ABCA7: variants seen among roughly 807,000 people sequenced by gnomAD.
ABCA7 encodes phospholipid-transporting ATPase ABCA7.
Under a neutral mutation model 227.6 loss-of-function variants are expected in ABCA7, and 261 were observed. The ratio of observed to expected loss-of-function variants is 1.15; its 90% CI spans 1.04 to 1.27. ABCA7 has a LOEUF of 1.27. Ranked by LOEUF, ABCA7 falls within the 50% of genes most tolerant of loss-of-function variation. The probability of loss-of-function intolerance (pLI) is 0.00; values close to 1 mark genes in which losing one functional copy is unlikely to be tolerated. For missense variants in ABCA7, 3,331 were observed against 2,924.5 expected, an observed-to-expected ratio of 1.14 and a Z score of -3.21; for synonymous variants, 1,488 against 1,279.7, an observed-to-expected ratio of 1.16 and a Z score of -3.47.
In ABCA7 at chr19:1,061,875, C is replaced by T. The variant is rs1461956027; in HGVS notation, c.5557C>T (p.Leu1853=). ...DTLASRGEAV[L]AGHSVAREPS... is the part of the protein sequence containing the mutation. ...ATTGGCCAGCAGGGGCGAGGCTGTG[C>T]TGGCAGGCCACAGGTGAGGGGTGCC... The change falls in exon 41 of 47, where the codon CTG becomes TTG. Residue 1853 remains leucine, a synonymous_variant. Coordinates refer to ENST00000263094, the MANE Select transcript of ABCA7 (RefSeq NM_019112.4). 1 of 1,592,766 alleles carries T rather than the reference C, an allele frequency of 6.3e-7. No homozygotes were observed. The highest frequency in any genetic ancestry group is 1.8e-5 in the Admixed American group (1 of 55,986).
chr19:1,044,591 G>A lies in ABCA7; in HGVS notation c.1062G>A (p.Met354Ile). The part of the protein sequence containing the change: ...NVAMLQRLLQ[M>I]QDEGRRQPRP... ...GCGCCCCCCAGCGGCTCCTGCAGAT[G>A]CAGGATGAAGGAAGAAGGCAGCCCA... is the stretch of plus-strand genomic sequence containing the variant. The change falls in exon 11 of 47, where the codon ATG becomes ATA. Residue 354 changes from methionine (M) to isoleucine (I), a missense_variant. Physicochemically the swap from Met to Ile is conservative, Grantham distance 10 (BLOSUM62 1). Transcript: ENST00000263094. The A allele has an allele frequency of 6.2e-7, 1 of 1,612,234 alleles. No individual in the cohort carries two copies. The highest frequency in any genetic ancestry group is 8.5e-7 in the Non-Finnish European group (1 of 1,179,430).
chr19:1,056,205 G>A lies in ABCA7; in HGVS notation c.4378G>A (p.Ala1460Thr). The stretch of plus-strand genomic sequence containing the variant: ...CGACCGTGTCCTGAAAAACCTCACA[G>A]CCTGGGCTCACAGCCTGGATGCTCA... ...ALDRVLKNLT[A>T]WAHSLDAQDS... The change falls in exon 32 of 47, where the codon GCC becomes ACC. Residue 1460 changes from alanine to threonine, a missense_variant. Ala to Thr is a moderately conservative substitution (Grantham distance 58). Coordinates refer to ENST00000263094, the MANE Select transcript of ABCA7 (RefSeq NM_019112.4). This position sits in a 1 kb window ranked among gnomAD's most constrained non-coding sequence, Gnocchi z 4.3. The A allele has an allele frequency of 6.2e-7, 1 of 1,603,822 alleles. No individual in the cohort carries two copies.
chr19:1,061,985 C>A, intron 41 of ABCA7, 97 bp downstream of exon 41: 1 of 1,435,348 alleles, frequency 7.0e-7, no homozygotes, highest in Non-Finnish European at 9.4e-7. Flanking sequence ...ACTGGGCTCA[C>A]TGCCCCACAC....
intron 5 of ABCA7, 33 bp from the exon 6 acceptor site, chr19:1,042,282 C>T: frequency 6.3e-7 from 1 of 1,578,026 alleles, no homozygotes; most frequent in East Asian, 2.3e-5. Context: ...CAACGTCCCC[C>T]CAGCCCCATG....
intron 40 of ABCA7, among the ~76,000 whole-genome samples, 174 bp from the exon 41 acceptor site, chr19:1,061,608 A>C (rs991645195): frequency 6.6e-6 from 1 of 151,542 alleles, no homozygotes; most frequent in African/African-American, 2.4e-5. Flanking sequence ...CTAAGGCAGG[A>C]GAATTGCTTG....
chr19:1,043,597 C>A, intron 9 of ABCA7, 124 bp downstream of exon 9: 1 of 1,562,218 alleles, frequency 6.4e-7, no homozygotes, highest in Non-Finnish European at 8.8e-7. Context: ...TAGGAGTTAG[C>A]CGATGGAGGG....
Position 1,057,336 on chromosome 19 carries a change from G to A in ABCA7, c.4787G>A (p.Cys1596Tyr), listed in dbSNP as rs538930513. 57 of 1,613,922 alleles carry A rather than the reference G, an allele frequency of 3.5e-5. No homozygotes were observed. The African/African-American group carries it at 7.3e-4, about 21-fold the overall frequency. Reference sequence around the variant, plus strand: ...CAGTGTAACTACTTGGTGCCAGCATGCATCGTGGTGCTCATCTTTCTGGCC... The same window carrying A: ...CAGTGTAACTACTTGGTGCCAGCATACATCGTGGTGCTCATCTTTCTGGCC... ...WDMCNYLVPA[C>Y]IVVLIFLAFQ... The change falls in exon 35 of 47, where the codon TGC (cysteine) becomes TAC (tyrosine). Residue 1596 changes from cysteine to tyrosine, a missense_variant. Cys to Tyr is a radical substitution (Grantham distance 194). Coordinates refer to ENST00000263094, the MANE Select transcript of ABCA7 (RefSeq NM_019112.4).
chr19:1,061,917 G>T, intron 41 of ABCA7, 29 bp downstream of exon 41: 1 of 1,547,160 alleles, frequency 6.5e-7, no homozygotes, highest in South Asian at 1.2e-5. Context: ...GGTCAGGGTG[G>T]GGCAGGGTTG....
rs11671895 is a variant in ABCA7, at chr19:1,055,605, C to T, written c.4205+254C>T. Among the ~76,000 whole-genome samples, 62,145 of 148,294 alleles carry T rather than the reference C, an allele frequency of 0.42. 13,021 individuals carry two copies. Among genetic ancestry groups the T allele is most frequent in the Middle Eastern group, 0.49 (139 of 286 alleles). The stretch of plus-strand genomic sequence containing the variant: ...GCAACCTCCACCTCCCAGTTTCAAG[C>T]GATTCTCCTCCCTCAGCCTCCCGAG... On this transcript the variant is annotated intron_variant, in intron 30 of 46. Coordinates refer to ENST00000263094, the MANE Select transcript of ABCA7 (RefSeq NM_019112.4).
At position 1,065,169 on chromosome 19, in the gene ABCA7, G is replaced by A. The variant is rs1411304122; in HGVS notation, c.6283G>A (p.Glu2095Lys). Residue 2095 changes from glutamate (E) to lysine (K), a missense_variant and splice_region_variant, in exon 46 of 47, where the codon GAG becomes AAG. By Grantham distance (56) the Glu-to-Lys change is moderately conservative. Transcript: ENST00000263094. The part of the protein sequence containing the change: ...DFSVSQTMLE[E>K]VFLYFSKDQG... ...TTCCGTGAGCCAGACGATGCTGGAG[G>A]AGGTGATCACGGCGCCGGGGTCGGG... The A allele has an allele frequency of 6.3e-7, 1 of 1,594,840 alleles. No homozygotes were observed. The highest frequency in any genetic ancestry group is 1.3e-5 in the African/African-American group (1 of 74,546).
At chr19:1,052,976 C>T (rs1308110397) in intron 23 of ABCA7, among the ~76,000 whole-genome samples, 1 of 152,118 alleles carries the variant, frequency 6.6e-6, no homozygotes, top group Admixed American at 6.6e-5. Flanking sequence ...TCACTGCAAC[C>T]TCTGCCTCCT....
At chr19:1,062,357 C>T in intron 42 of ABCA7, 44 bp downstream of exon 42, 1 of 1,589,010 alleles carries the variant, frequency 6.3e-7, no homozygotes, top group Non-Finnish European at 8.5e-7. Context: ...CCAGGGCCCA[C>T]CCGACCCAGG....
At chr19:1,063,728 G>T in intron 43 of ABCA7, 32 bp from the exon 44 acceptor site, 1 of 1,551,006 alleles carries the variant, frequency 6.4e-7, no homozygotes, top group Non-Finnish European at 8.7e-7. Flanking sequence ...CGGAGGCGGG[G>T]CCTTGCTTAT....
chr19:1,050,510 G>A (rs960060432), intron 18 of ABCA7, among the ~76,000 whole-genome samples: 1 of 152,040 alleles, frequency 6.6e-6, no homozygotes, highest in African/African-American at 2.4e-5. Context: ...GGTGGCTCAG[G>A]CCTGCAATCC....
chr19:1,043,530 C>T, intron 9 of ABCA7, 57 bp downstream of exon 9: 3 of 1,612,096 alleles, frequency 1.9e-6, no homozygotes, highest in Non-Finnish European at 2.5e-6. Context: ...CATCCAGTAC[C>T]CTCAGTCCAG....
chr19:1,059,245 A>ATTT (rs2042492382), intron 40 of ABCA7, 160 bp downstream of exon 40: 19 of 207,734 alleles, frequency 9.1e-5, no homozygotes, highest in Middle Eastern at 1.5e-3. Flanking sequence ...ATTTTATTAT[A>ATTT]TTATTATTTA....
In ABCA7 at chr19:1,052,274, G is replaced by T. The variant is rs777820922; in HGVS notation, c.3208G>T (p.Gly1070Cys). ...GCAGGAAAAGAAGAATGGCAGCCAGGGCAGCAGAGTCGGTGAGGGCCGGGG... is the reference window on the plus strand; with the variant it reads ...GCAGGAAAAGAAGAATGGCAGCCAGTGCAGCAGAGTCGGTGAGGGCCGGGG... Reference protein sequence around the residue: ...TRQEKKNGSQGSRVGTPQLLA... With the variant: ...TRQEKKNGSQCSRVGTPQLLA... The change falls in exon 23 of 47, where the codon GGC (glycine) becomes TGC (cysteine). Residue 1070 changes from glycine to cysteine, a missense_variant. Coordinates refer to ENST00000263094, the MANE Select transcript of ABCA7 (RefSeq NM_019112.4). 6.0e-5 allele frequency: 92 copies of T among 1,542,126 alleles called. No individual in the cohort carries two copies. Among genetic ancestry groups the T allele is most frequent in the Non-Finnish European group, 8.0e-5 (92 of 1,145,284 alleles).
chr19:1,064,046 A>G, intron 44 of ABCA7, 115 bp from the exon 45 acceptor site: 1 of 1,337,282 alleles, frequency 7.5e-7, no homozygotes, highest in South Asian at 1.4e-5. Flanking sequence ...GGTCTGGGGA[A>G]GAGTGGGGAG....
rs541638574 is a variant in ABCA7 at position 1,043,711 on chromosome 19, GGTGCT to G, written c.931-11_931-7del. 9.1e-4 allele frequency: 1,472 copies of G among 1,610,504 alleles called. 28 individuals carry two copies. In the South Asian group the frequency reaches 0.015, roughly 17 times the overall value. ...GGAGGAGAGGGTCATCAGTGGAGGG[GGTGCT>G]GTCCACAGGTGAACCGGACCTTCGA... On this transcript the variant is annotated splice_polypyrimidine_tract_variant and intron_variant, in intron 9 of 46. Coordinates refer to ENST00000263094, the MANE Select transcript of ABCA7 (RefSeq NM_019112.4).
Sources: allele counts gnomAD v4.1 joint callset (sites outside exome capture counted in the v4.1 genomes callset), GRCh38; gene constraint gnomAD v4.1.1; non-coding constraint Gnocchi (gnomAD v3.1); transcripts MANE v1.5; gene names NCBI Gene and HGNC (gene_info 2026-07-23, HGNC 2026-07-21).